The following RPSA2 variants were observed in gnomAD, a reference collection of about 807,000 sequenced individuals.
RPSA2 encodes small ribosomal subunit protein uS2B.
the RPSA2 span, among the ~76,000 whole-genome samples, chr19:23,854,452 G>T: frequency 6.6e-6 from 1 of 152,278 alleles, no homozygotes; most frequent in East Asian, 1.9e-4. Flanking sequence ...TTTGTGCTGG[G>T]GGCTGCATTG....
the RPSA2 span, among the ~76,000 whole-genome samples, chr19:23,862,186 A>T: frequency 6.6e-6 from 1 of 151,982 alleles, no homozygotes; most frequent in Non-Finnish European, 1.5e-5. Flanking sequence ...TTTGTCTGTT[A>T]TTGGTGTATA....
the RPSA2 span, among the ~76,000 whole-genome samples, chr19:23,783,162 G>A: frequency 6.6e-6 from 1 of 151,932 alleles, no homozygotes; most frequent in Non-Finnish European, 1.5e-5. Context: ...ATGGCACCAT[G>A]TCAGCTCACC....
chr19:23,790,401 A>G, the RPSA2 span, among the ~76,000 whole-genome samples: 3 of 152,060 alleles, frequency 2.0e-5, no homozygotes, highest in Admixed American at 2.0e-4. Flanking sequence ...GAATTTTCCC[A>G]TGTTCTGGGG....
the RPSA2 span, among the ~76,000 whole-genome samples, chr19:23,844,712 TA>T: frequency 7.3e-6 from 1 of 136,796 alleles, no homozygotes. Context: ...TATAATATAA[TA>T]ATAATATAAT....
chr19:23,822,776 C>G, the RPSA2 span, among the ~76,000 whole-genome samples: 1 of 152,176 alleles, frequency 6.6e-6, no homozygotes, highest in East Asian at 1.9e-4. Flanking sequence ...AGTGGCCAGC[C>G]TTGGTAAAGG....
the RPSA2 span, chr19:23,827,772 A>G: frequency 1.3e-6 from 2 of 1,588,352 alleles, no homozygotes; most frequent in Non-Finnish European, 1.7e-6. Context: ...CTGTACTTCT[A>G]CAGAGATCCT....
the RPSA2 span, among the ~76,000 whole-genome samples, chr19:23,831,030 T>C: frequency 2.6e-5 from 4 of 152,250 alleles, no homozygotes; most frequent in Non-Finnish European, 4.4e-5. Flanking sequence ...TTACTCTTGT[T>C]ATTTTGTAGG....
chr19:23,863,703 A>T, the RPSA2 span, among the ~76,000 whole-genome samples: 2 of 152,222 alleles, frequency 1.3e-5, no homozygotes, highest in African/African-American at 4.8e-5. Context: ...AGCTACTACA[A>T]AACTTCCTAG....
chr19:23,793,444 T>C, the RPSA2 span, among the ~76,000 whole-genome samples: 3 of 152,036 alleles, frequency 2.0e-5, no homozygotes, highest in South Asian at 4.1e-4. Flanking sequence ...ATTTTCTTTG[T>C]ATTTTATATT....
the RPSA2 span, among the ~76,000 whole-genome samples, chr19:23,870,510 G>C: frequency 9.8e-6 from 1 of 102,398 alleles, no homozygotes; most frequent in Non-Finnish European, 2.0e-5. Context: ...CATCACCTTT[G>C]ACATTGGTGA....
the RPSA2 span, among the ~76,000 whole-genome samples, chr19:23,761,904 C>A: frequency 3.7e-5 from 1 of 26,678 alleles, no homozygotes; most frequent in African/African-American, 1.2e-4. Flanking sequence ...TAACGTAATT[C>A]TTTCTTTCTT....
At chr19:23,794,814 T>C in the RPSA2 span, among the ~76,000 whole-genome samples, 2 of 152,216 alleles carry the variant, frequency 1.3e-5, no homozygotes, top group African/African-American at 4.8e-5. Context: ...TCTTTTATAA[T>C]TTTCAAATAA....
the RPSA2 span, among the ~76,000 whole-genome samples, chr19:23,837,290 C>G: frequency 6.6e-6 from 1 of 152,046 alleles, no homozygotes; most frequent in Non-Finnish European, 1.5e-5. Flanking sequence ...AATCAGTTGG[C>G]TGTAAGTATT....
chr19:23,859,012 C>T, the RPSA2 span, among the ~76,000 whole-genome samples: 1 of 152,180 alleles, frequency 6.6e-6, no homozygotes, highest in Non-Finnish European at 1.5e-5. Context: ...GAGCTATTCT[C>T]CTTTCTTTTG....
At chr19:23,828,278 T>A in the RPSA2 span, among the ~76,000 whole-genome samples, 13 of 150,340 alleles carry the variant, frequency 8.6e-5, no homozygotes, top group East Asian at 2.4e-3. Context: ...AGCTTTGTAA[T>A]GTGTTTTGAA....
the RPSA2 span, chr19:23,832,023 T>G: frequency 3.5e-5 from 15 of 429,212 alleles, no homozygotes; most frequent in Admixed American, 3.4e-4. Flanking sequence ...TTACTAATAA[T>G]AAGAAAATTC....
chr19:23,831,537 C>G, the RPSA2 span: 1 of 154,934 alleles, frequency 6.5e-6, no homozygotes, highest in South Asian at 2.1e-4. Flanking sequence ...GATTTTAAAA[C>G]TATATCCATG....
chr19:23,844,685 T>C, the RPSA2 span, among the ~76,000 whole-genome samples: 1 of 112,372 alleles, frequency 8.9e-6, no homozygotes, highest in Non-Finnish European at 1.8e-5. Context: ...AGTTTGAATC[T>C]AATTTGTCCA....
chr19:23,868,854 G>T, the RPSA2 span, among the ~76,000 whole-genome samples: 8 of 152,102 alleles, frequency 5.3e-5, no homozygotes, highest in Non-Finnish European at 7.4e-5. Flanking sequence ...GGTCCCTCTG[G>T]TATGGGCCAT....
Sources: gnomAD v4.1 joint callset for allele counts (sites outside exome capture counted in the v4.1 genomes callset) on GRCh38, gnomAD v4.1.1 for gene constraint, MANE v1.5 for transcripts, NCBI Gene and HGNC (gene_info 2026-07-23, HGNC 2026-07-21) for gene names.